Variants in FLACC1 observed in about 807,000 individuals in gnomAD.
FLACC1 encodes flagellum-associated coiled-coil domain-containing protein 1.
Under a neutral mutation model 62.8 loss-of-function variants are expected in FLACC1, and 66 were observed. The observed-to-expected ratio is 1.05, with a 90% confidence interval of 0.86 to 1.29. The LOEUF (loss-of-function observed/expected upper bound fraction) is 1.29. Ranked by LOEUF, FLACC1 falls within the 50% of genes most tolerant of loss-of-function variation. The probability of loss-of-function intolerance (pLI) is 0.00; values close to 1 mark genes in which losing one functional copy is unlikely to be tolerated. For missense variants in FLACC1, 452 were observed against 489.1 expected, an observed-to-expected ratio of 0.92 and a Z score of 0.71; for synonymous variants, 156 against 161.0, an observed-to-expected ratio of 0.97 and a Z score of 0.24.
At chr2:201,355,178 G>A (rs989492619) in intron 1 of FLACC1, among the ~76,000 whole-genome samples, 5 of 152,026 alleles carry the variant, frequency 3.3e-5, no homozygotes, top group African/African-American at 1.2e-4. Context: ...CCAGCTACTC[G>A]GGAGGCTAAG....
chr2:201,311,303 G>A (rs2125566617), intron 9 of FLACC1, among the ~76,000 whole-genome samples: 1 of 152,066 alleles, frequency 6.6e-6, no homozygotes, highest in Admixed American at 6.5e-5. Flanking sequence ...TATGAAGCTG[G>A]CATTATCCTT....
At chr2:201,324,367 A>G (rs1950464143) in intron 9 of FLACC1, among the ~76,000 whole-genome samples, 1 of 152,162 alleles carries the variant, frequency 6.6e-6, no homozygotes, top group Non-Finnish European at 1.5e-5. Context: ...AACAATTACT[A>G]CTAGACCTAA....
intron 7 of FLACC1, among the ~76,000 whole-genome samples, chr2:201,332,815 C>T (rs932593212): frequency 1.3e-5 from 2 of 151,258 alleles, no homozygotes; most frequent in African/African-American, 2.4e-5. Context: ...TGGTATTTGT[C>T]TTCCTGTGCC....
At chr2:201,296,698 C>T (rs1353779383) in intron 12 of FLACC1, among the ~76,000 whole-genome samples, 1 of 151,810 alleles carries the variant, frequency 6.6e-6, no homozygotes, top group Non-Finnish European at 1.5e-5. Flanking sequence ...GTTTGAGGAC[C>T]CAAAGGAACA....
At chr2:201,318,139 A>G (rs1950337726) in intron 9 of FLACC1, among the ~76,000 whole-genome samples, 1 of 152,238 alleles carries the variant, frequency 6.6e-6, no homozygotes, top group Non-Finnish European at 1.5e-5. Context: ...AAAATATAAA[A>G]ATTCTAGAAG....
intron 7 of FLACC1, among the ~76,000 whole-genome samples, chr2:201,331,991 T>G (rs1480560104): frequency 6.6e-6 from 1 of 152,196 alleles, no homozygotes; most frequent in Non-Finnish European, 1.5e-5. Flanking sequence ...TACTTTCCCC[T>G]CAATGTTGCT....
At chr2:201,354,566 C>T (rs1951084281) in intron 1 of FLACC1, among the ~76,000 whole-genome samples, 1 of 151,982 alleles carries the variant, frequency 6.6e-6, no homozygotes, top group Non-Finnish European at 1.5e-5. Flanking sequence ...CCTGTTAGGG[C>T]CAAGTCAAGG....
intron 7 of FLACC1, among the ~76,000 whole-genome samples, chr2:201,338,772 G>T (rs1559413950): frequency 6.6e-6 from 1 of 152,044 alleles, no homozygotes; most frequent in Non-Finnish European, 1.5e-5. Flanking sequence ...CTCGGTCATG[G>T]TGTATTATAT....
chr2:201,293,999 A>G (rs1202954148), intron 12 of FLACC1, among the ~76,000 whole-genome samples: 4 of 152,220 alleles, frequency 2.6e-5, no homozygotes, highest in Non-Finnish European at 4.4e-5. Context: ...GAATAGACCA[A>G]TAACAGGCTC....
chr2:201,292,642 A>G (rs1208018282), intron 12 of FLACC1, among the ~76,000 whole-genome samples: 1 of 152,188 alleles, frequency 6.6e-6, no homozygotes, highest in African/African-American at 2.4e-5. Flanking sequence ...ACCAGCTAAC[A>G]TCAGAATGAC....
Position 201,291,727 on chromosome 2 carries a change from C to T in FLACC1, c.943-1942G>A, listed in dbSNP as rs573990545. Among the ~76,000 whole-genome samples the T allele has an allele frequency of 1.8e-4, 28 of 152,224 alleles. No individual in the cohort carries two copies. In the East Asian group the frequency reaches 3.1e-3, roughly 17 times the overall value. ...AAGGCTTCAGATGATCAAACTACTC[C>T]GAGCTAAAGGAGAAAGTTCGAACTC... On this transcript the variant is annotated intron_variant, in intron 12 of 14. Coordinates refer to ENST00000392257, the MANE Select transcript of FLACC1 (RefSeq NM_001127391.3).
the FLACC1 span, among the ~76,000 whole-genome samples, chr2:201,363,061 G>A: frequency 6.6e-6 from 1 of 152,146 alleles, no homozygotes; most frequent in Non-Finnish European, 1.5e-5. Context: ...CCCTGAGATT[G>A]TGGTGCAGCA....
chr2:201,294,771 C>A (rs1949821332), intron 12 of FLACC1, among the ~76,000 whole-genome samples: 1 of 152,152 alleles, frequency 6.6e-6, no homozygotes. Context: ...ATCTAGAAAA[C>A]CCCATCATCT....
chr2:201,309,124 C>G (rs774682492), intron 10 of FLACC1, 27 bp downstream of exon 10: 2 of 1,588,870 alleles, frequency 1.3e-6, no homozygotes, highest in South Asian at 2.2e-5. Context: ...CACTTGTCAT[C>G]AAAAAAGCTA....
chr2:201,311,049 A>C (rs886089241), intron 9 of FLACC1, among the ~76,000 whole-genome samples: 2 of 152,114 alleles, frequency 1.3e-5, no homozygotes, highest in Non-Finnish European at 2.9e-5. Context: ...GAGGAAATGG[A>C]TAAATTCCTG....
rs780131175 is a variant in FLACC1, at chr2:201,309,364, G to A, written c.676-114C>T. 4.3e-4 allele frequency: 326 copies of A among 761,828 alleles called. 2 individuals are homozygous for A. Among genetic ancestry groups the A allele is most frequent in the Non-Finnish European group, 8.2e-5 (36 of 440,706 alleles). 47.2% of individuals were successfully genotyped at this position (761,828 alleles called of 1,614,324 possible). ...CTCTTGGCATTGCACAGTGGCCAGG[G>A]CCCATCACCATGTTCTGTGCATCTT... On this transcript the variant is annotated intron_variant, in intron 9 of 14. Transcript: ENST00000392257.
Position 201,289,476 on chromosome 2 carries a change from C to G in FLACC1, c.1123G>C (p.Glu375Gln), listed in dbSNP as rs775830523. ...CCGCACTTCAGATGAATGTTCTCTT[C>G]CGTCAGGATCTGTATGGTGTGCTTA... ...KYKHTIQILT[E>Q]ENIHLKQKII... Residue 375 changes from glutamate (E) to glutamine (Q), a missense_variant, in exon 14 of 15, where the codon GAA becomes CAA. Physicochemically the swap from Glu to Gln is conservative, Grantham distance 29. Transcript: ENST00000392257. 1.9e-5 allele frequency: 31 copies of G among 1,614,062 alleles called. No homozygotes were observed. Among genetic ancestry groups the G allele is most frequent in the Non-Finnish European group, 2.4e-5 (28 of 1,180,016 alleles).
intron 5 of FLACC1, among the ~76,000 whole-genome samples, chr2:201,345,450 T>TTGTGTGTGTGTGTGTG (rs56229607): frequency 5.5e-5 from 8 of 144,188 alleles, no homozygotes; most frequent in African/African-American, 1.8e-4. Flanking sequence ...AGGTAGATGA[T>TTGTGTGTGTGTGTGTG]TGTGTGTGTG....
chr2:201,348,048 C>T lies in FLACC1; in HGVS notation c.234+206G>A, dbSNP rs759129325. On this transcript the variant is annotated intron_variant, in intron 4 of 14. Transcript: ENST00000392257. ...GGCAGGAGAGAGTGGCAATTAAATG[C>T]CCACTCTGGAATCTAGCTGAGCTGA... 6.5e-6 allele frequency: 3 copies of T among 463,910 alleles called. No individual in the cohort carries two copies. The South Asian group carries it at 8.6e-5, about 13-fold the overall frequency. 28.7% of individuals were successfully genotyped at this position (463,910 alleles called of 1,614,324 possible). A position where few individuals can be genotyped will look rare whatever the true frequency, so the allele number is the denominator to read the frequency against.
Sources: gnomAD v4.1 joint callset for allele counts (sites outside exome capture counted in the v4.1 genomes callset) on GRCh38, gnomAD v4.1.1 for gene constraint, MANE v1.5 for transcripts, NCBI Gene and HGNC (gene_info 2026-07-23, HGNC 2026-07-21) for gene names.